Variants in AKAP12 observed in about 807,000 individuals in gnomAD.
AKAP12 encodes the protein A-kinase anchor protein 12.
A neutral mutation model predicts 79.9 loss-of-function variants in AKAP12; 32 were observed. That is an observed-to-expected ratio of 0.40 (90% CI 0.30 to 0.54). The LOEUF is 0.54. AKAP12 is among the 20% of genes least tolerant of loss of function. The pLI is 0.48. For synonymous variants in AKAP12, 808 were observed against 857.0 expected (o/e 0.94, Z 1.00); for missense variants, 2,074 against 2,177.0 (o/e 0.95, Z 0.94).
At chr6:151,339,004 G>A (rs1777883631) in intron 3 of AKAP12, among the ~76,000 whole-genome samples, 1 of 152,140 alleles carries the variant, frequency 6.6e-6, no homozygotes, top group Admixed American at 6.5e-5. Context: ...TGCTCGGGCC[G>A]ATCTTTTGAA....
At chr6:151,330,713 A>G (rs987170652) in intron 3 of AKAP12, among the ~76,000 whole-genome samples, 2 of 152,190 alleles carry the variant, frequency 1.3e-5, no homozygotes, top group Admixed American at 1.3e-4. Context: ...GTAGTATATA[A>G]TCAACATATT....
intron 2 of AKAP12, among the ~76,000 whole-genome samples, chr6:151,241,169 G>A (rs967133686): frequency 6.6e-6 from 1 of 152,192 alleles, no homozygotes; most frequent in Non-Finnish European, 1.5e-5. Flanking sequence ...GGTGGAGCCC[G>A]CCGGGGAGCC....
chr6:151,240,742 C>T lies in AKAP12; in HGVS notation c.162+18C>T. ...CCACCAAGGTACGGGCGTGCCGGGC[C>T]ACCTGCGCCGGGAGGCGCGGGTCTT... On this transcript the variant is annotated intron_variant, in intron 2 of 4. Transcript: ENST00000402676. 8.1e-7 allele frequency: 1 copy of T among 1,242,138 alleles called. No homozygotes were observed. The allele number at this position is 1,242,138 out of a possible 1,614,324, so 76.9% of individuals were successfully genotyped here. A position where few individuals can be genotyped will look rare whatever the true frequency, so the allele number is the denominator to read the frequency against.
intron 3 of AKAP12, among the ~76,000 whole-genome samples, chr6:151,320,688 G>T (rs943966603): frequency 3.3e-5 from 5 of 152,106 alleles, no homozygotes; most frequent in African/African-American, 9.7e-5. Context: ...CGTCACTACT[G>T]CATCCATCTG....
chr6:151,325,493 G>T (rs1777499247), intron 3 of AKAP12: 1 of 985,362 alleles, frequency 1.0e-6, no homozygotes, highest in Non-Finnish European at 1.2e-6. Context: ...GCCCAGCTCG[G>T]GGGAGGGCTT....
intron 3 of AKAP12, among the ~76,000 whole-genome samples, chr6:151,326,706 T>C (rs186934317): frequency 1.1e-4 from 17 of 152,302 alleles, no homozygotes; most frequent in Admixed American, 2.6e-4. Flanking sequence ...TTTCTCTTCC[T>C]GTCATCAAGA....
At chr6:151,278,768 C>T (rs1430814147) in intron 2 of AKAP12, among the ~76,000 whole-genome samples, 3 of 151,610 alleles carry the variant, frequency 2.0e-5, no homozygotes, top group African/African-American at 7.3e-5. Flanking sequence ...CCCGGGTTCA[C>T]GCCATTCTCC....
At chr6:151,316,103 A>G (rs1777227100) in intron 3 of AKAP12, among the ~76,000 whole-genome samples, 1 of 152,228 alleles carries the variant, frequency 6.6e-6, no homozygotes. Context: ...ATGTCTGAAG[A>G]TATATTCTCT....
At chr6:151,312,106 T>C (rs1157987813) in intron 3 of AKAP12, among the ~76,000 whole-genome samples, 2 of 152,168 alleles carry the variant, frequency 1.3e-5, no homozygotes, top group Non-Finnish European at 2.9e-5. Context: ...CACTCCTCCT[T>C]TCCTTTTCTC....
At chr6:151,319,184 A>G (rs1226980203) in intron 3 of AKAP12, among the ~76,000 whole-genome samples, 2 of 152,148 alleles carry the variant, frequency 1.3e-5, no homozygotes, top group African/African-American at 4.8e-5. Flanking sequence ...TATCATAACA[A>G]TTCCTTTGAG....
intron 1 of AKAP12, 53 bp from the exon 2 acceptor site, chr6:151,240,331 A>C (rs1325073296): frequency 5.6e-6 from 2 of 355,606 alleles, no homozygotes; most frequent in Middle Eastern, 7.3e-4. Context: ...AACCGGGGGG[A>C]GGGGGGCGGA....
intron 3 of AKAP12, among the ~76,000 whole-genome samples, chr6:151,338,041 A>G (rs1777860562): frequency 6.6e-6 from 1 of 152,170 alleles, no homozygotes; most frequent in South Asian, 2.1e-4. Context: ...TGTCTCAAAA[A>G]ATTAGGGAAG....
chr6:151,254,925 A>G (rs1485662951), intron 2 of AKAP12, among the ~76,000 whole-genome samples: 2 of 152,188 alleles, frequency 1.3e-5, no homozygotes, highest in Non-Finnish European at 2.9e-5. Context: ...GTCATGTTAA[A>G]GTATTACATT....
chr6:151,305,531 G>C (rs7744443), intron 2 of AKAP12, among the ~76,000 whole-genome samples: 2,712 of 152,204 alleles, frequency 0.018, 74 homozygotes, highest in African/African-American at 0.061. Context: ...GTGGATGAAT[G>C]GCTGATGGGC....
chr6:151,250,940 T>C (rs971438879), intron 2 of AKAP12, among the ~76,000 whole-genome samples: 2 of 152,256 alleles, frequency 1.3e-5, no homozygotes, highest in East Asian at 1.9e-4. Flanking sequence ...CACATACTTA[T>C]GTTCTAGATG....
At chr6:151,326,728 C>T (rs577094400) in intron 3 of AKAP12, among the ~76,000 whole-genome samples, 20 of 152,106 alleles carry the variant, frequency 1.3e-4, no homozygotes, top group South Asian at 4.1e-4. Context: ...AATTAAATTC[C>T]GTTTGTGAAT....
chr6:151,335,724 C>T (rs1212357795), intron 3 of AKAP12, among the ~76,000 whole-genome samples: 8 of 152,154 alleles, frequency 5.3e-5, no homozygotes, highest in Admixed American at 1.3e-4. Flanking sequence ...CCTCCTGCCT[C>T]GGCCTCCCAA....
Position 151,305,835 on chromosome 6 carries a change from A to G in AKAP12, c.251A>G (p.Gln84Arg). The G allele has an allele frequency of 6.8e-6, 11 of 1,614,122 alleles. No individual in the cohort carries two copies. Among genetic ancestry groups the G allele is most frequent in the Non-Finnish European group, 7.6e-6 (9 of 1,179,996 alleles). The change falls in exon 3 of 5, where the codon CAG becomes CGG. Residue 84 changes from glutamine to arginine, a missense_variant. By Grantham distance (43) the Gln-to-Arg change is conservative (BLOSUM62 1). Transcript: ENST00000402676. ...CTCCAGGAGGGTGACCTAAATGGCC[A>G]GAAAGGAGCCCTGAACGGTCAAGGA... ...LSLQEGDLNG[Q>R]KGALNGQGAL...
At position 151,348,794 on chromosome 6, in the gene AKAP12, A is replaced by G. The variant is rs1468156588; in HGVS notation, c.403A>G (p.Thr135Ala). The change falls in exon 4 of 5, where the codon ACA becomes GCA. Residue 135 changes from threonine (T) to alanine (A), a missense_variant. Around this residue, in one of 3 missense-constraint regions of AKAP12, gnomAD observed 1,428 missense variants for 1,451.0 expected, o/e 0.98. Transcript: ENST00000402676. Reference protein sequence around the residue: ...ATKSAVVHDITDDGQEETPEI... With the variant: ...ATKSAVVHDIADDGQEETPEI... ...TAAGTCAGCGGTTGTTCACGACATC[A>G]CAGATGATGGGCAGGAGGAGACACC... 5 of 1,612,932 alleles carry G rather than the reference A, an allele frequency of 3.1e-6. No individual in the cohort carries two copies. The highest frequency in any genetic ancestry group is 8.5e-7 in the Non-Finnish European group (1 of 1,179,988).
Sources: gnomAD v4.1 joint callset for allele counts (sites outside exome capture counted in the v4.1 genomes callset) on GRCh38, gnomAD v4.1.1 for gene constraint, gnomAD v4.1.1 regional missense constraint, MANE v1.5 for transcripts, NCBI Gene and HGNC (gene_info 2026-07-23, HGNC 2026-07-21) for gene names.